The following ANKLE1 variants were observed in gnomAD, a reference collection of about 807,000 sequenced individuals.
ANKLE1 encodes ankyrin repeat and LEM domain containing 1.
A neutral mutation model predicts 56.2 loss-of-function variants in ANKLE1; 59 were observed. That is an observed-to-expected ratio of 1.05 (90% CI 0.85 to 1.30). The LOEUF is 1.30. Among genes scored for constraint, ANKLE1 ranks in the 50% most tolerant of loss-of-function variants. The pLI is 0.00. For missense variants in ANKLE1, 771 were observed against 816.1 expected, an observed-to-expected ratio of 0.94 and a Z score of 0.67; for synonymous variants, 341 against 352.9, an observed-to-expected ratio of 0.97 and a Z score of 0.38.
intron 4 of ANKLE1, 43 bp downstream of exon 4, chr19:17,283,045 C>T: frequency 6.5e-7 from 1 of 1,542,412 alleles, no homozygotes. Context: ...ACTTCTGGAC[C>T]AGTCCCTGAC....
chr19:17,281,962 G>T lies in ANKLE1; in HGVS notation c.42G>T (p.Ala14=), dbSNP rs1308122687. The change falls in exon 1 of 9, where the codon GCG becomes GCT. Residue 14 remains alanine, a synonymous_variant. Coordinates refer to ENST00000404085, the MANE Select transcript of ANKLE1 (RefSeq NM_152363.6). ...EARLARRLRD[A]LREEEPWAVE... Reference sequence around the variant, plus strand: ...GCCTGGCTCGCAGGTTGCGGGATGCGCTGCGGGAGGAGGAGCCGTGGTGAG... The same window carrying T: ...GCCTGGCTCGCAGGTTGCGGGATGCTCTGCGGGAGGAGGAGCCGTGGTGAG... 6.5e-7 allele frequency: 1 copy of T among 1,534,162 alleles called. No individual in the cohort carries two copies. The highest frequency in any genetic ancestry group is 1.2e-5 in the South Asian group (1 of 83,850).
chr19:17,284,246 C>G lies in ANKLE1; in HGVS notation c.1356C>G (p.Thr452=), dbSNP rs11882562. 1,251,457 of 1,613,322 alleles carry G rather than the reference C, an allele frequency of 0.78. 494,464 individuals carry two copies. Among genetic ancestry groups the G allele is most frequent in the Non-Finnish European group, 0.81 (955,440 of 1,179,624 alleles). Residue 452 remains threonine (T), a synonymous_variant, in exon 6 of 9, where the codon ACC becomes ACG. Coordinates refer to ENST00000404085, the MANE Select transcript of ANKLE1 (RefSeq NM_152363.6). ...WREGVVKSSF[T]YLLLDPRETQ... ...AGGGGGTCGTGAAGTCTAGCTTCAC[C>G]TATCTGCTGCTGGACCCCAGGTACT... is the stretch of plus-strand genomic sequence containing the variant.
chr19:17,286,360 C>T lies in ANKLE1; in HGVS notation c.1676-20C>T. The T allele has an allele frequency of 6.5e-7, 1 of 1,537,828 alleles. No homozygotes were observed. The highest frequency in any genetic ancestry group is 1.4e-5 in the African/African-American group (1 of 73,218). On this transcript the variant is annotated intron_variant, in intron 8 of 8. Coordinates refer to ENST00000404085, the MANE Select transcript of ANKLE1 (RefSeq NM_152363.6). ...GTGTCCCCATGGCTGCCCCTGTGACCCCACATCCAATTTCTCCAGGGATCC... is the reference window on the plus strand; with the variant it reads ...GTGTCCCCATGGCTGCCCCTGTGACTCCACATCCAATTTCTCCAGGGATCC...
At chr19:17,282,416 G>A in intron 2 of ANKLE1, 2 of 876,814 alleles carry the variant, frequency 2.3e-6, no homozygotes, top group Non-Finnish European at 3.4e-6. Context: ...GAATGGGGCT[G>A]CGCTAGGACC....
chr19:17,282,995 A>C lies in ANKLE1; in HGVS notation c.453A>C (p.Ala151=), dbSNP rs2145636233. ...IGAETQEPEP[A]PGTPGLSGPT... ...CAGAGACTCAGGAGCCCGAGCCTGCACCTGGCAGTGAGTAGGGCCTGCAGG... is the reference window on the plus strand; with the variant it reads ...CAGAGACTCAGGAGCCCGAGCCTGCCCCTGGCAGTGAGTAGGGCCTGCAGG... The change falls in exon 4 of 9, where the codon GCA becomes GCC. Residue 151 remains alanine (A), a synonymous_variant. Coordinates refer to ENST00000404085, the MANE Select transcript of ANKLE1 (RefSeq NM_152363.6). 1.9e-6 allele frequency: 3 copies of C among 1,561,146 alleles called. No homozygotes were observed. The highest frequency in any genetic ancestry group is 2.6e-6 in the Non-Finnish European group (3 of 1,159,924).
At position 17,283,642 on chromosome 19, in the gene ANKLE1, C is replaced by T; in HGVS notation, c.878C>T (p.Ser293Phe). 1 of 1,613,014 alleles carries T rather than the reference C, an allele frequency of 6.2e-7. No individual in the cohort carries two copies. Among genetic ancestry groups the T allele is most frequent in the South Asian group, 1.1e-5 (1 of 91,064 alleles). Reference sequence around the variant, plus strand: ...GCTGCTGGCTTCCAGTCCTCCCCTTCCTCCATGCCTCTCCTGGACAGGAGT... The same window carrying T: ...GCTGCTGGCTTCCAGTCCTCCCCTTTCTCCATGCCTCTCCTGGACAGGAGT... ...PNAAGFQSSP[S>F]SMPLLDRSPA... The change falls in exon 5 of 9, where the codon TCC (serine) becomes TTC (phenylalanine). Residue 293 changes from serine to phenylalanine, a missense_variant. Transcript: ENST00000404085.
chr19:17,282,242 C>T, intron 2 of ANKLE1, 33 bp downstream of exon 2: 3 of 1,448,940 alleles, frequency 2.1e-6, no homozygotes, highest in African/African-American at 1.4e-5. Context: ...GGCGGGGTCT[C>T]CCCAAGCCGA....
In ANKLE1 at chr19:17,286,500, T is replaced by C; in HGVS notation, c.1796T>C (p.Leu599Pro). The C allele has an allele frequency of 6.2e-7, 1 of 1,612,482 alleles. No individual in the cohort carries two copies. The highest frequency in any genetic ancestry group is 8.5e-7 in the Non-Finnish European group (1 of 1,179,648). ...CTGCACCGTGCCCTCCTTGTCTTCC[T>C]GGCTGAAGGCGAGCGACAGCTTCAT... Reference protein sequence around the residue: ...HLLHRALLVFLAEGERQLHPQ... With the variant: ...HLLHRALLVFPAEGERQLHPQ... The change falls in exon 9 of 9, where the codon CTG (leucine) becomes CCG (proline). Residue 599 changes from leucine (L) to proline (P), a missense_variant. Leu to Pro is a moderately conservative substitution (Grantham distance 98). Coordinates refer to ENST00000404085, the MANE Select transcript of ANKLE1 (RefSeq NM_152363.6).
rs2073986038 is a variant in ANKLE1, at chr19:17,282,695, G to GGGGCGGCCGCCGCC, written c.255_256insGGGCGGCCGCCGCC (p.Trp86GlyfsTer16). 1 of 1,536,368 alleles carries GGGGCGGCCGCCGCC rather than the reference G, an allele frequency of 6.5e-7. No homozygotes were observed. The highest frequency in any genetic ancestry group is 1.4e-5 in the African/African-American group (1 of 73,056). ...TGACGCCGCTGCATGTGGCCGCCGC[G>GGGGCGGCCGCCGCC]TGGGGCTGCCGCCGCGGCCTGGAGC... On this transcript the variant is annotated frameshift_variant, in exon 3 of 9. Transcript: ENST00000404085. LOFTEE classifies it high-confidence loss of function.
At position 17,283,663 on chromosome 19, in the gene ANKLE1, G is replaced by C. The variant is rs2074000548; in HGVS notation, c.899G>C (p.Arg300Thr). The change falls in exon 5 of 9, where the codon AGG (arginine) becomes ACG (threonine). Residue 300 changes from arginine to threonine, a missense_variant. Coordinates refer to ENST00000404085, the MANE Select transcript of ANKLE1 (RefSeq NM_152363.6). The stretch of plus-strand genomic sequence containing the variant: ...CCTTCCTCCATGCCTCTCCTGGACA[G>C]GAGTCCAGCTCATAGCCCCCCACGG... ...SSPSSMPLLD[R>T]SPAHSPPRTP... 6.2e-7 allele frequency: 1 copy of C among 1,613,392 alleles called. No homozygotes were observed. Among genetic ancestry groups the C allele is most frequent in the African/African-American group, 1.3e-5 (1 of 74,908 alleles).
Position 17,285,480 on chromosome 19 carries a change from C to T in ANKLE1, c.1426C>T (p.Arg476Cys), listed in dbSNP as rs139046298. The change falls in exon 7 of 9, where the codon CGC (arginine) becomes TGC (cysteine). Residue 476 changes from arginine to cysteine, a missense_variant. Coordinates refer to ENST00000404085, the MANE Select transcript of ANKLE1 (RefSeq NM_152363.6). ...ARAFSLTPAE[R>C]LQTFIRAIFY... Reference sequence around the variant, plus strand: ...AGCCTTCTCACTGACCCCAGCTGAGCGCCTTCAGACTTTCATCCGTGCCAT... The same window carrying T: ...AGCCTTCTCACTGACCCCAGCTGAGTGCCTTCAGACTTTCATCCGTGCCAT... 249 of 1,613,890 alleles carry T rather than the reference C, an allele frequency of 1.5e-4. 1 individual carries two copies. The Middle Eastern group carries it at 1.6e-3, about 11-fold the overall frequency.
At chr19:17,284,528 C>T (rs2074011282) in intron 6 of ANKLE1, among the ~76,000 whole-genome samples, 1 of 151,982 alleles carries the variant, frequency 6.6e-6, no homozygotes, top group Admixed American at 6.6e-5. Flanking sequence ...GGATTACAAG[C>T]ACCTGCCACC....
rs2074045908 is a variant in ANKLE1, at chr19:17,287,360, G to C, written c.*808G>C. 1 of 151,986 alleles carries C rather than the reference G, an allele frequency of 6.6e-6. No individual in the cohort carries two copies. Among genetic ancestry groups the C allele is most frequent in the African/African-American group, 2.4e-5 (1 of 41,368 alleles). The allele number at this position is 151,986 out of a possible 1,614,324, so 9.4% of individuals were successfully genotyped here. A position where few individuals can be genotyped will look rare whatever the true frequency, so the allele number is the denominator to read the frequency against. The stretch of plus-strand genomic sequence containing the variant: ...GCAGGAGGATCGCTTGAACCCAGGA[G>C]GTGGAGGTTGCAGTGAGCTGAGATT... On this transcript the variant is annotated 3_prime_UTR_variant, in exon 9 of 9. Coordinates refer to ENST00000404085, the MANE Select transcript of ANKLE1 (RefSeq NM_152363.6).
intron 8 of ANKLE1, 37 bp from the exon 9 acceptor site, chr19:17,286,343 A>G (rs1363864387): frequency 6.6e-7 from 1 of 1,526,392 alleles, no homozygotes; most frequent in South Asian, 1.3e-5. Flanking sequence ...AGGTGTCCCC[A>G]TGGCTGCCCC....
chr19:17,282,589 G>C, intron 2 of ANKLE1, 67 bp from the exon 3 acceptor site: 1 of 1,438,854 alleles, frequency 6.9e-7, no homozygotes, highest in Non-Finnish European at 9.4e-7. Context: ...CAGGTCCCCA[G>C]AGCGGAGATC....
At chr19:17,282,634 C>G in intron 2 of ANKLE1, 22 bp from the exon 3 acceptor site, 2 of 1,531,006 alleles carry the variant, frequency 1.3e-6, no homozygotes, top group Non-Finnish European at 8.7e-7. Flanking sequence ...CCGCAATGAC[C>G]CCTCTTGCGC....
In ANKLE1 at chr19:17,283,300, A is replaced by G. The variant is rs747119142; in HGVS notation, c.536A>G (p.Asn179Ser). 10 of 1,613,564 alleles carry G rather than the reference A, an allele frequency of 6.2e-6. No individual in the cohort carries two copies. Among genetic ancestry groups the G allele is most frequent in the Non-Finnish European group, 8.5e-6 (10 of 1,179,880 alleles). ...ALQKQPCRGD[N>S]RDIGLEADPG... ...CAAAAGCAGCCATGCAGAGGTGACAACAGGGACATTGGCTTGGAGGCTGAC... is the reference window on the plus strand; with the variant it reads ...CAAAAGCAGCCATGCAGAGGTGACAGCAGGGACATTGGCTTGGAGGCTGAC... The change falls in exon 5 of 9, where the codon AAC (asparagine) becomes AGC (serine). Residue 179 changes from asparagine to serine, a missense_variant. By Grantham distance (46) the Asn-to-Ser change is conservative. Coordinates refer to ENST00000404085, the MANE Select transcript of ANKLE1 (RefSeq NM_152363.6).
In ANKLE1 at chr19:17,286,692, TTGTG is replaced by T. The variant is rs71180380; in HGVS notation, c.*158_*161del. Reference sequence around the variant, plus strand: ...TGTGTGTGTGTGTGTGTGTGTGTGTTTGTGTGTGTGTGTGTGTGTGTAGGGAGCA... The same window carrying T: ...TGTGTGTGTGTGTGTGTGTGTGTGTTTGTGTGTGTGTGTGTGTAGGGAGCA... On this transcript the variant is annotated 3_prime_UTR_variant, in exon 9 of 9. Transcript: ENST00000404085. 95 of 943,136 alleles carry T rather than the reference TTGTG, an allele frequency of 1.0e-4. No homozygotes were observed. The Middle Eastern group carries it at 2.0e-3, about 20-fold the overall frequency. The allele number at this position is 943,136 out of a possible 1,614,324, so 58.4% of individuals were successfully genotyped here.
chr19:17,287,196 CAAG>C lies in ANKLE1; in HGVS notation c.*645_*647del, dbSNP rs1007675437. 8.6e-5 allele frequency: 13 copies of C among 151,888 alleles called. No homozygotes were observed. Among genetic ancestry groups the C allele is most frequent in the African/African-American group, 2.4e-4 (10 of 41,312 alleles). 9.4% of individuals were successfully genotyped at this position (151,888 alleles called of 1,614,324 possible). A position where few individuals can be genotyped will look rare whatever the true frequency, so the allele number is the denominator to read the frequency against. The stretch of plus-strand genomic sequence containing the variant: ...CTGTAATCCTAGCATTTTGGGAGGC[CAAG>C]GAGGGCAGATCACCTAAGGTCAGGA... On this transcript the variant is annotated 3_prime_UTR_variant, in exon 9 of 9. Coordinates refer to ENST00000404085, the MANE Select transcript of ANKLE1 (RefSeq NM_152363.6).
Sources: allele counts gnomAD v4.1 joint callset (sites outside exome capture counted in the v4.1 genomes callset), GRCh38; gene constraint gnomAD v4.1.1; transcripts MANE v1.5; gene names NCBI Gene and HGNC (gene_info 2026-07-23, HGNC 2026-07-21).